Variants in MUC3A observed in about 807,000 individuals in gnomAD.
The protein encoded by MUC3A is mucin 3A, cell surface associated, also known as mucin-3A.
Under a neutral mutation model 109.0 loss-of-function variants are expected in MUC3A, and 109 were observed. The observed-to-expected ratio is 1.00, with a 90% CI of 0.86 to 1.17. The LOEUF is 1.17. Ranked by LOEUF, MUC3A falls within the 50% of genes most tolerant of loss-of-function variation. The pLI is 0.00. For missense variants in MUC3A, 3,537 were observed against 2,469.4 expected (o/e 1.43, Z -9.16); for synonymous variants, 1,398 against 981.4 (o/e 1.42, Z -7.93).
chr7:100,960,146 G>T lies in MUC3A; in HGVS notation c.8367G>T (p.Met2789Ile), dbSNP rs754959205. 8.4e-6 allele frequency: 13 copies of T among 1,556,254 alleles called. No individual in the cohort carries two copies. In the African/African-American group the frequency reaches 1.7e-4, roughly 21 times the overall value. Residue 2789 changes from methionine (M) to isoleucine (I), a missense_variant, in exon 2 of 12, where the codon ATG (methionine) becomes ATT (isoleucine). Transcript: ENST00000379458. ...CCCCCACTGATCCATGTGTTGAAAT[G>T]GATCCCAGCACTGAAGCTACTTCTC... is the stretch of plus-strand genomic sequence containing the variant. Reference protein sequence around the residue: ...PASPTDPCVEMDPSTEATSPP... With the variant: ...PASPTDPCVEIDPSTEATSPP...
chr7:100,958,592 C>G lies in MUC3A; in HGVS notation c.6813C>G (p.Pro2271=). The G allele has an allele frequency of 1.6e-6, 2 of 1,289,168 alleles. No homozygotes were observed. The highest frequency in any genetic ancestry group is 1.3e-5 in the South Asian group (1 of 78,194). 79.9% of individuals were successfully genotyped at this position (1,289,168 alleles called of 1,614,324 possible). The stretch of plus-strand genomic sequence containing the variant: ...CTGAGACCACCTCACATGATACTCC[C>G]AGCTTCACTTCTTCAATCACCACCA... ...TTTETTSHDT[P]SFTSSITTSE... The change falls in exon 2 of 12, where the codon CCC becomes CCG. Residue 2271 remains proline (P), a synonymous_variant. Transcript: ENST00000379458.
At position 100,957,424 on chromosome 7, in the gene MUC3A, C is replaced by G; in HGVS notation, c.5645C>G (p.Thr1882Arg). The change falls in exon 2 of 12, where the codon ACA (threonine) becomes AGA (arginine). Residue 1882 changes from threonine (T) to arginine (R), a missense_variant. Thr to Arg is a moderately conservative substitution (Grantham distance 71). Transcript: ENST00000379458. ...LRPTSSSLLTTVTATVPTTNL... is the reference protein window; with the variant it reads ...LRPTSSSLLTRVTATVPTTNL... The stretch of plus-strand genomic sequence containing the variant: ...CCCACCTCTTCCTCTCTCCTCACCA[C>G]AGTAACAGCCACAGTTCCAACAACA... 6.8e-6 allele frequency: 7 copies of G among 1,025,886 alleles called. 1 individual carries two copies. The highest frequency in any genetic ancestry group is 4.3e-4 in the Middle Eastern group (2 of 4,704). The allele number at this position is 1,025,886 out of a possible 1,614,324, so 63.5% of individuals were successfully genotyped here.
At position 100,958,808 on chromosome 7, in the gene MUC3A, T is replaced by A; in HGVS notation, c.7029T>A (p.Ser2343=). 1 of 1,523,970 alleles carries A rather than the reference T, an allele frequency of 6.6e-7. No homozygotes were observed. The highest frequency in any genetic ancestry group is 8.9e-7 in the Non-Finnish European group (1 of 1,126,138). The allele number at this position is 1,523,970 out of a possible 1,614,324, so 94.4% of individuals were successfully genotyped here. The part of the protein sequence containing the change: ...TTSHNTRSFT[S]SITTTETNSH... ...CACACAATACTCGCAGCTTCACTTC[T>A]TCGATCACCACCACCGAGACCAACT... Residue 2343 remains serine (S), a synonymous_variant, in exon 2 of 12, where the codon TCT becomes TCA. Transcript: ENST00000379458.
At position 100,955,462 on chromosome 7, in the gene MUC3A, G is replaced by A. The variant is rs1003917543; in HGVS notation, c.3683G>A (p.Ser1228Asn). 1.7e-6 allele frequency: 1 copy of A among 572,852 alleles called. No homozygotes were observed. The highest frequency in any genetic ancestry group is 1.9e-5 in the African/African-American group (1 of 52,526). 35.5% of individuals were successfully genotyped at this position (572,852 alleles called of 1,614,324 possible). The change falls in exon 2 of 12, where the codon AGT becomes AAT. Residue 1228 changes from serine to asparagine, a missense_variant. By Grantham distance (46) the Ser-to-Asn change is conservative (BLOSUM62 1). Coordinates refer to ENST00000379458, the MANE Select transcript of MUC3A (RefSeq NM_005960.2). ...TDLTSTFTVS[S>N]SSAMSTSVIP... ...CTCACATCAACATTCACTGTTTCCAGTTCCTCAGCAATGTCCACAAGTGTC... is the reference window on the plus strand; with the variant it reads ...CTCACATCAACATTCACTGTTTCCAATTCCTCAGCAATGTCCACAAGTGTC...
intron 1 of MUC3A, among the ~76,000 whole-genome samples, chr7:100,950,398 C>T (rs921365469): frequency 6.6e-6 from 1 of 152,304 alleles, no homozygotes; most frequent in African/African-American, 2.4e-5. Flanking sequence ...CTCTGTACTT[C>T]AGTGTCTGCT....
intron 5 of MUC3A, 136 bp downstream of exon 5, chr7:100,963,888 T>G: frequency 7.8e-7 from 1 of 1,281,716 alleles, no homozygotes; most frequent in Non-Finnish European, 1.1e-6. Flanking sequence ...AATCACTCCC[T>G]GGGTATTTTT....
At chr7:100,961,080 C>A in intron 3 of MUC3A, 143 bp downstream of exon 3, 1 of 1,528,034 alleles carries the variant, frequency 6.5e-7, no homozygotes, top group Non-Finnish European at 8.7e-7. Flanking sequence ...CCATGCCCTC[C>A]GCTGCCCTGT....
chr7:100,963,923 A>G, intron 5 of MUC3A, 171 bp downstream of exon 5: 2 of 919,576 alleles, frequency 2.2e-6, no homozygotes. Context: ...GGGGCCATTT[A>G]TCTGGAGGAG....
At position 100,965,434 on chromosome 7, in the gene MUC3A, G is replaced by A. The variant is rs1299560807; in HGVS notation, c.9448+87G>A. 6 of 1,544,892 alleles carry A rather than the reference G, an allele frequency of 3.9e-6. No individual in the cohort carries two copies. In the African/African-American group the frequency reaches 5.4e-5, roughly 14 times the overall value. ...TTTGCCCATTGAAGCCTGTGGGCAG[G>A]GAGAGACCTTTGGGGGAGGCAAGTC... On this transcript the variant is annotated intron_variant, in intron 7 of 11. Coordinates refer to ENST00000379458, the MANE Select transcript of MUC3A (RefSeq NM_005960.2).
chr7:100,959,943 G>A lies in MUC3A; in HGVS notation c.8164G>A (p.Val2722Met). The A allele has an allele frequency of 2.6e-6, 4 of 1,510,924 alleles. No homozygotes were observed. In the South Asian group the frequency reaches 4.0e-5, roughly 15 times the overall value. 93.6% of individuals were successfully genotyped at this position (1,510,924 alleles called of 1,614,324 possible). The change falls in exon 2 of 12, where the codon GTG (valine) becomes ATG (methionine). Residue 2722 changes from valine (V) to methionine (M), a missense_variant. By Grantham distance (21) the Val-to-Met change is conservative. Transcript: ENST00000379458. ...SSPYIFSTEN[V>M]GSASITGFPS... is the part of the protein sequence containing the mutation. ...ACCATACATTTTCAGTACAGAAAAT[G>A]TGGGCTCCGCTTCTATCACAGGCTT...
chr7:100,965,025 C>CTCGG, intron 6 of MUC3A, 182 bp downstream of exon 6: 2 of 1,140,880 alleles, frequency 1.8e-6, no homozygotes, highest in East Asian at 5.1e-5. Context: ...TCCCCGTGAC[C>CTCGG]TCGGTACTGG....
chr7:100,958,153 C>G lies in MUC3A; in HGVS notation c.6374C>G (p.Pro2125Arg), dbSNP rs1792151315. 4 of 1,295,726 alleles carry G rather than the reference C, an allele frequency of 3.1e-6. No individual in the cohort carries two copies. In the South Asian group the frequency reaches 4.8e-5, roughly 15 times the overall value. 80.3% of individuals were successfully genotyped at this position (1,295,726 alleles called of 1,614,324 possible). The change falls in exon 2 of 12, where the codon CCC becomes CGC. Residue 2125 changes from proline (P) to arginine (R), a missense_variant. Transcript: ENST00000379458. The part of the protein sequence containing the change: ...TTSEMPSHST[P>R]SFTSSITTTE... ...TCTGAGATGCCCTCACACAGTACTC[C>G]CAGCTTCACTTCTTCGATCACCACC...
In MUC3A at chr7:100,957,766, T is replaced by C; in HGVS notation, c.5987T>C (p.Ile1996Thr). Residue 1996 changes from isoleucine to threonine, a missense_variant, in exon 2 of 12, where the codon ATC becomes ACC. Coordinates refer to ENST00000379458, the MANE Select transcript of MUC3A (RefSeq NM_005960.2). Reference protein sequence around the residue: ...SHSTPSYTSLITTTTTTSHST... With the variant: ...SHSTPSYTSLTTTTTTTSHST... ...AGTACTCCCAGCTACACTTCTTTGA[T>C]CACCACAACCACCACCACCTCACAC... is the stretch of plus-strand genomic sequence containing the variant. 1 of 1,337,920 alleles carries C rather than the reference T, an allele frequency of 7.5e-7. No homozygotes were observed. Among genetic ancestry groups the C allele is most frequent in the Non-Finnish European group, 1.1e-6 (1 of 947,434 alleles). The allele number at this position is 1,337,920 out of a possible 1,614,324, so 82.9% of individuals were successfully genotyped here.
chr7:100,963,519 T>C (rs1792413190), intron 4 of MUC3A, among the ~76,000 whole-genome samples, 169 bp from the exon 5 acceptor site: 3 of 152,310 alleles, frequency 2.0e-5, no homozygotes, highest in Admixed American at 1.3e-4. Context: ...ACTACTGACT[T>C]TGTGATCCAC....
chr7:100,966,844 TCC>T, intron 10 of MUC3A, 53 bp from the exon 11 acceptor site: 2 of 1,598,388 alleles, frequency 1.3e-6, no homozygotes, highest in Non-Finnish European at 1.7e-6. Flanking sequence ...CGTCCCCCTC[TCC>T]CTTCCGTCCC....
chr7:100,962,797 T>TTCTTTCTCTC (rs1554239152), intron 3 of MUC3A, among the ~76,000 whole-genome samples: 5 of 143,432 alleles, frequency 3.5e-5, no homozygotes, highest in South Asian at 2.3e-4. Flanking sequence ...CTTTCTTTCT[T>TTCTTTCTCTC]TCTCTCTCTC....
chr7:100,957,167 C>T lies in MUC3A; in HGVS notation c.5388C>T (p.Ser1796=), dbSNP rs957571110. 7 of 449,596 alleles carry T rather than the reference C, an allele frequency of 1.6e-5. No individual in the cohort carries two copies. Among genetic ancestry groups the T allele is most frequent in the African/African-American group, 2.0e-5 (1 of 49,222 alleles). The allele number at this position is 449,596 out of a possible 1,614,324, so 27.9% of individuals were successfully genotyped here. ...ATNTLPSFTS[S]VSSSTPVPST... Reference sequence around the variant, plus strand: ...ATACGTTACCATCATTTACCAGTAGCGTTTCATCTTCTACGCCTGTCCCAA... The same window carrying T: ...ATACGTTACCATCATTTACCAGTAGTGTTTCATCTTCTACGCCTGTCCCAA... The change falls in exon 2 of 12, where the codon AGC becomes AGT. Residue 1796 remains serine (S), a synonymous_variant. Transcript: ENST00000379458.
At chr7:100,965,643 A>G in intron 7 of MUC3A, 61 bp from the exon 8 acceptor site, 1 of 1,548,872 alleles carries the variant, frequency 6.5e-7, no homozygotes, top group Admixed American at 1.9e-5. Flanking sequence ...CACCGTTATC[A>G]GGCCCCTGAA....
Position 100,965,718 on chromosome 7 carries a change from G to A in MUC3A, c.9463G>A (p.Ala3155Thr), listed in dbSNP as rs1045567619. 1.9e-6 allele frequency: 3 copies of A among 1,597,386 alleles called. No homozygotes were observed. The highest frequency in any genetic ancestry group is 2.5e-6 in the Non-Finnish European group (3 of 1,179,228). Residue 3155 changes from alanine (A) to threonine (T), a missense_variant, in exon 8 of 12, where the codon GCC (alanine) becomes ACC (threonine). By Grantham distance (58) the Ala-to-Thr change is moderately conservative. Transcript: ENST00000379458. ...ELTPAAICRR[A>T]APTGYEEFYF... ...CCAACCCCCAGCCATCTGCCGCCGC[G>A]CCGCTCCCACGGGCTATGAAGAGTT...
Sources: allele counts gnomAD v4.1 joint callset (sites outside exome capture counted in the v4.1 genomes callset), GRCh38; gene constraint gnomAD v4.1.1; transcripts MANE v1.5; gene names NCBI Gene and HGNC (gene_info 2026-07-23, HGNC 2026-07-21).